The following RAN variants were observed in gnomAD, a reference collection of about 807,000 sequenced individuals.
RAN encodes the protein GTP-binding nuclear protein Ran.
A neutral mutation model predicts 26.8 loss-of-function variants in RAN; 2 were observed. The observed-to-expected ratio is 0.07, with a 90% CI of 0.03 to 0.23. The LOEUF (loss-of-function observed/expected upper bound fraction) is 0.23, where lower values mean the gene tolerates loss of function less well. RAN is among the 10% of genes least tolerant of loss of function. The probability of loss-of-function intolerance (pLI) is 1.00; values close to 1 mark genes in which losing one functional copy is unlikely to be tolerated. For missense variants in RAN, 56 were observed against 264.8 expected, an observed-to-expected ratio of 0.21 and a Z score of 5.47; for synonymous variants, 132 against 95.9, an observed-to-expected ratio of 1.38 and a Z score of -2.20.
rs1423054500 is a variant in RAN at position 130,877,499 on chromosome 12, A to G, written c.*1573A>G. ...TTCAGGTATTTTGAATTGAAGGTGT[A>G]TGTGTTGTTTGTAACCTTGTGGAGA... On this transcript the variant is annotated 3_prime_UTR_variant, in exon 7 of 7. Coordinates refer to ENST00000543796, the MANE Select transcript of RAN (RefSeq NM_006325.5). 1 of 152,206 alleles carries G rather than the reference A, an allele frequency of 6.6e-6. No homozygotes were observed. The highest frequency in any genetic ancestry group is 1.9e-4 in the East Asian group (1 of 5,202). 9.4% of individuals were successfully genotyped at this position (152,206 alleles called of 1,614,324 possible). A position where few individuals can be genotyped will look rare whatever the true frequency, so the allele number is the denominator to read the frequency against.
chr12:130,874,368 A>C, intron 4 of RAN, 178 bp from the exon 5 acceptor site: 1 of 559,588 alleles, frequency 1.8e-6, no homozygotes, highest in South Asian at 2.6e-5. Flanking sequence ...CATCTCTCTT[A>C]GGAGGAATTG....
chr12:130,874,447 G>A, intron 4 of RAN, 99 bp from the exon 5 acceptor site: 4 of 958,584 alleles, frequency 4.2e-6, no homozygotes, highest in Non-Finnish European at 6.2e-6. Context: ...ACTCGTTGAG[G>A]TCTAAGACTA....
Position 130,877,277 on chromosome 12 carries a change from T to C in RAN, c.*1351T>C, listed in dbSNP as rs1953265175. On this transcript the variant is annotated 3_prime_UTR_variant, in exon 7 of 7. Transcript: ENST00000543796. ...AGATGATTGCTTACCTTAAAAGGTA[T>C]AGAAAGGATCACTTAAATATATGGA... 1 of 152,200 alleles carries C rather than the reference T, an allele frequency of 6.6e-6. No individual in the cohort carries two copies. The highest frequency in any genetic ancestry group is 6.5e-5 in the Admixed American group (1 of 15,274). 9.4% of individuals were successfully genotyped at this position (152,200 alleles called of 1,614,324 possible). A position where few individuals can be genotyped will look rare whatever the true frequency, so the allele number is the denominator to read the frequency against.
chr12:130,874,435 T>C, intron 4 of RAN, 111 bp from the exon 5 acceptor site: 1 of 759,512 alleles, frequency 1.3e-6, no homozygotes, highest in East Asian at 2.7e-5. Context: ...GAGATACAGG[T>C]GACTCGTTGA....
chr12:130,872,613 C>T lies in RAN; in HGVS notation c.20C>T (p.Pro7Leu). Residue 7 changes from proline (P) to leucine (L), a missense_variant, in exon 2 of 7, where the codon CCC becomes CTC. Transcript: ENST00000543796. ...GCCGCGATGGCTGCGCAGGGAGAGC[C>T]CCAGGTCCAGTTCAAAGTAGGTAAC... is the stretch of plus-strand genomic sequence containing the variant. Reference protein sequence around the residue: MAAQGEPQVQFKLVLVG... With the variant: MAAQGELQVQFKLVLVG... The T allele has an allele frequency of 3.9e-6, 6 of 1,529,354 alleles. No homozygotes were observed. The highest frequency in any genetic ancestry group is 5.3e-6 in the Non-Finnish European group (6 of 1,141,784). The allele number at this position is 1,529,354 out of a possible 1,614,324, so 94.7% of individuals were successfully genotyped here. A position where few individuals can be genotyped will look rare whatever the true frequency, so the allele number is the denominator to read the frequency against.
In RAN at chr12:130,876,165, C is replaced by T; in HGVS notation, c.*239C>T. 1.8e-6 allele frequency: 1 copy of T among 556,932 alleles called. No individual in the cohort carries two copies. Among genetic ancestry groups the T allele is most frequent in the Non-Finnish European group, 3.2e-6 (1 of 312,908 alleles). 34.5% of individuals were successfully genotyped at this position (556,932 alleles called of 1,614,324 possible). A position where few individuals can be genotyped will look rare whatever the true frequency, so the allele number is the denominator to read the frequency against. On this transcript the variant is annotated 3_prime_UTR_variant, in exon 7 of 7. Coordinates refer to ENST00000543796, the MANE Select transcript of RAN (RefSeq NM_006325.5). ...GGAACGCAGTTGATTCCTTGAGTTTCATATATAAGACTGCTGCAGTCACAT... is the reference window on the plus strand; with the variant it reads ...GGAACGCAGTTGATTCCTTGAGTTTTATATATAAGACTGCTGCAGTCACAT...
chr12:130,872,776 C>G, intron 2 of RAN, 60 bp from the exon 3 acceptor site: 1 of 1,595,944 alleles, frequency 6.3e-7, no homozygotes, highest in Non-Finnish European at 8.6e-7. Flanking sequence ...AGTTCCGTGA[C>G]TCTGGGATCT....
chr12:130,872,656 G>C, intron 2 of RAN, 27 bp downstream of exon 2: 1 of 1,521,622 alleles, frequency 6.6e-7, no homozygotes, highest in Non-Finnish European at 8.8e-7. Flanking sequence ...GGCGGGAGGC[G>C]GCCGAGCCCG....
In RAN at chr12:130,873,145, T is replaced by C. The variant is rs751322776; in HGVS notation, c.247+17T>C. 4 of 1,614,020 alleles carry C rather than the reference T, an allele frequency of 2.5e-6. No homozygotes were observed. Among genetic ancestry groups the C allele is most frequent in the Non-Finnish European group, 3.4e-6 (4 of 1,179,982 alleles). On this transcript the variant is annotated intron_variant, in intron 4 of 6. Transcript: ENST00000543796. ...ATATCCAAGGTAGGCATTTGTAACT[T>C]GCTGAACGGTTTTTGAGAGGTTTTG... is the stretch of plus-strand genomic sequence containing the variant.
intron 4 of RAN, chr12:130,874,106 C>T: frequency 3.5e-6 from 1 of 285,404 alleles, no homozygotes; most frequent in South Asian, 2.8e-5. Flanking sequence ...ACCTCAGCCT[C>T]TCAAAGTGCT....
intron 4 of RAN, 144 bp from the exon 5 acceptor site, chr12:130,874,402 C>CAA (rs759535478): frequency 3.3e-5 from 20 of 604,208 alleles, no homozygotes; most frequent in Non-Finnish European, 4.5e-5. Context: ...TTAGAATTGA[C>CAA]AGAGACCTTG....
intron 5 of RAN, among the ~76,000 whole-genome samples, chr12:130,874,999 T>C (rs965451154): frequency 2.0e-5 from 3 of 152,040 alleles, no homozygotes; most frequent in Non-Finnish European, 4.4e-5. Flanking sequence ...TTGTACTTTT[T>C]TTTCTAGTAG....
intron 4 of RAN, chr12:130,873,988 T>C (rs1395221532): frequency 5.2e-6 from 2 of 387,046 alleles, no homozygotes; most frequent in South Asian, 3.6e-5. Flanking sequence ...GCTTGGACTA[T>C]AGGCACGTGC....
intron 4 of RAN, chr12:130,874,251 G>A: frequency 3.1e-6 from 1 of 317,590 alleles, no homozygotes; most frequent in East Asian, 6.2e-5. Flanking sequence ...GAATATGGCA[G>A]CTTGGTTATC....
In RAN at chr12:130,875,695, C is replaced by T; in HGVS notation, c.519C>T (p.Asn173=). ...WLARKLIGDP[N]LEFVAMPALA... is the part of the protein sequence containing the mutation. Reference sequence around the variant, plus strand: ...CTAGGAAGCTCATTGGAGACCCTAACTTGGAATTTGTTGCCATGCCTGCTC... The same window carrying T: ...CTAGGAAGCTCATTGGAGACCCTAATTTGGAATTTGTTGCCATGCCTGCTC... The change falls in exon 6 of 7, where the codon AAC becomes AAT. Residue 173 remains asparagine (N), a synonymous_variant. Coordinates refer to ENST00000543796, the MANE Select transcript of RAN (RefSeq NM_006325.5). 2 of 1,613,994 alleles carry T rather than the reference C, an allele frequency of 1.2e-6. No homozygotes were observed. Among genetic ancestry groups the T allele is most frequent in the Non-Finnish European group, 1.7e-6 (2 of 1,179,914 alleles).
chr12:130,877,171 A>G lies in RAN; in HGVS notation c.*1245A>G, dbSNP rs191431583. On this transcript the variant is annotated 3_prime_UTR_variant, in exon 7 of 7. Transcript: ENST00000543796. Reference sequence around the variant, plus strand: ...CATCAACACTATTCTTGTAGCAGTTAGGAATCTTGAGCTATTTTTTTCTCA... The same window carrying G: ...CATCAACACTATTCTTGTAGCAGTTGGGAATCTTGAGCTATTTTTTTCTCA... 6.6e-6 allele frequency: 1 copy of G among 152,260 alleles called. No individual in the cohort carries two copies. Among genetic ancestry groups the G allele is most frequent in the Non-Finnish European group, 1.5e-5 (1 of 68,020 alleles). The allele number at this position is 152,260 out of a possible 1,614,324, so 9.4% of individuals were successfully genotyped here.
intron 1 of RAN, 148 bp from the exon 2 acceptor site, chr12:130,872,436 G>A (rs1439193963): frequency 1.5e-4 from 45 of 295,254 alleles, no homozygotes; most frequent in Non-Finnish European, 2.1e-4. Flanking sequence ...CCCGCCCGCC[G>A]CCTTCCCGCT....
chr12:130,873,282 G>T lies in RAN; in HGVS notation c.247+154G>T, dbSNP rs117036189. Reference sequence around the variant, plus strand: ...CGGGGAGTTGACCACCATTTTGGTGGCAGAGAAAATTTTATTAAAGTTGTG... The same window carrying T: ...CGGGGAGTTGACCACCATTTTGGTGTCAGAGAAAATTTTATTAAAGTTGTG... On this transcript the variant is annotated intron_variant, in intron 4 of 6. Transcript: ENST00000543796. 4,181 of 1,012,972 alleles carry T rather than the reference G, an allele frequency of 4.1e-3. 8 individuals carry two copies. The highest frequency in any genetic ancestry group is 5.6e-3 in the Non-Finnish European group (3,849 of 692,354). 62.7% of individuals were successfully genotyped at this position (1,012,972 alleles called of 1,614,324 possible).
chr12:130,875,874 TC>T lies in RAN; in HGVS notation c.607-7del, dbSNP rs758618079. ...GGAGTGTTAACGTTTTTCCATCTCT[TC>T]GTCTAGGTTGCTCAGACAACTGCTC... On this transcript the variant is annotated splice_region_variant and splice_polypyrimidine_tract_variant and intron_variant, in intron 6 of 6. Transcript: ENST00000543796. 2 of 1,614,166 alleles carry T rather than the reference TC, an allele frequency of 1.2e-6. No homozygotes were observed. The highest frequency in any genetic ancestry group is 1.3e-5 in the African/African-American group (1 of 75,048).
Sources: allele counts gnomAD v4.1 joint callset (sites outside exome capture counted in the v4.1 genomes callset), GRCh38; gene constraint gnomAD v4.1.1; transcripts MANE v1.5; gene names NCBI Gene and HGNC (gene_info 2026-07-23, HGNC 2026-07-21).